Variants in CRISP1 observed in about 807,000 individuals in gnomAD.
CRISP1 encodes the protein cysteine-rich secretory protein 1.
Under a neutral mutation model 33.1 loss-of-function variants are expected in CRISP1, and 44 were observed. That is an observed-to-expected ratio of 1.33 (90% CI 1.05 to 1.71). The LOEUF is 1.71. CRISP1 is among the 40% of genes most tolerant of loss of function. CRISP1 has a pLI of 0.00. For missense variants in CRISP1, 390 were observed against 301.2 expected (o/e 1.29, Z -2.18); for synonymous variants, 103 against 98.7 (o/e 1.04, Z -0.26).
chr6:49,863,156 T>C (rs1159758645), intron 1 of CRISP1, among the ~76,000 whole-genome samples: 1 of 152,114 alleles, frequency 6.6e-6, no homozygotes, highest in Non-Finnish European at 1.5e-5. Flanking sequence ...AAGATTAGAA[T>C]TGTAGAGCAT....
At chr6:49,851,886 G>A in intron 3 of CRISP1, 115 bp downstream of exon 3, 1 of 1,231,438 alleles carries the variant, frequency 8.1e-7, no homozygotes, top group African/African-American at 1.5e-5. Flanking sequence ...CTATGTAAAA[G>A]ATTTGTTGTG....
chr6:49,862,179 T>C (rs1388081301), intron 1 of CRISP1, among the ~76,000 whole-genome samples: 1 of 152,126 alleles, frequency 6.6e-6, no homozygotes, highest in African/African-American at 2.4e-5. Context: ...AATTCTTAGA[T>C]CTGATAAGTA....
intron 1 of CRISP1, among the ~76,000 whole-genome samples, chr6:49,863,332 C>A (rs1771704662): frequency 6.6e-6 from 1 of 152,144 alleles, no homozygotes; most frequent in Non-Finnish European, 1.5e-5. Context: ...TGGAAGATTG[C>A]AAATCTAGGA....
intron 1 of CRISP1, among the ~76,000 whole-genome samples, chr6:49,862,047 T>G (rs1483039296): frequency 6.6e-6 from 1 of 152,146 alleles, no homozygotes; most frequent in Non-Finnish European, 1.5e-5. Context: ...TGGGAAGTTC[T>G]AGCCAGAGAA....
chr6:49,872,983 A>G (rs1002352124), intron 1 of CRISP1, among the ~76,000 whole-genome samples: 2 of 151,946 alleles, frequency 1.3e-5, no homozygotes, highest in Non-Finnish European at 2.9e-5. Flanking sequence ...TCTATAAATT[A>G]CCTTGGGGAG....
At chr6:49,870,531 G>C (rs934759959), upstream of CRISP1, among the ~76,000 whole-genome samples, 1 of 152,246 alleles carries the variant, frequency 6.6e-6, no homozygotes, top group African/African-American at 2.4e-5. Flanking sequence ...ACTTCTTCAG[G>C]TTGGGAAGTA....
At chr6:49,857,280 G>A in intron 2 of CRISP1, 55 bp downstream of exon 2, 2 of 1,536,540 alleles carry the variant, frequency 1.3e-6, no homozygotes, top group Non-Finnish European at 1.8e-6. Flanking sequence ...GTATTAAAGT[G>A]TTAGCTCTTA....
intron 3 of CRISP1, among the ~76,000 whole-genome samples, chr6:49,849,982 G>A (rs1174218287): frequency 2.0e-5 from 3 of 151,220 alleles, no homozygotes; most frequent in Non-Finnish European, 4.4e-5. Context: ...GAATACCATG[G>A]CATTCACTAC....
At chr6:49,851,093 T>A (rs1771332967) in intron 3 of CRISP1, among the ~76,000 whole-genome samples, 1 of 152,228 alleles carries the variant, frequency 6.6e-6, no homozygotes, top group South Asian at 2.1e-4. Flanking sequence ...CATGCAGGAA[T>A]GCCTATGAAA....
chr6:49,863,076 T>C (rs901695411), intron 1 of CRISP1, among the ~76,000 whole-genome samples: 1 of 152,060 alleles, frequency 6.6e-6, no homozygotes, highest in African/African-American at 2.4e-5. Context: ...GCCGAAGGGA[T>C]GGAAAACTGC....
chr6:49,859,277 G>A (rs1771580676), intron 1 of CRISP1, among the ~76,000 whole-genome samples: 1 of 151,858 alleles, frequency 6.6e-6, no homozygotes, highest in South Asian at 2.1e-4. Flanking sequence ...GCTGCATCCT[G>A]CACAGGGCCC....
chr6:49,848,285 C>T lies in CRISP1; in HGVS notation c.210G>A (p.Glu70=). The T allele has an allele frequency of 6.2e-7, 1 of 1,601,784 alleles. No homozygotes were observed. The highest frequency in any genetic ancestry group is 8.5e-7 in the Non-Finnish European group (1 of 1,174,102). The change falls in exon 4 of 8, where the codon GAG becomes GAA. Residue 70 remains glutamate (E), a synonymous_variant. Coordinates refer to ENST00000335847, the MANE Select transcript of CRISP1 (RefSeq NM_001131.3). Reference sequence around the variant, plus strand: ...AAAAAATTCTGGCATTTTGTGCAGCCTCTTCACTCCAACTCTGTAGTGGAA... The same window carrying T: ...AAAAAATTCTGGCATTTTGTGCAGCTTCTTCACTCCAACTCTGTAGTGGAA... ...SNMLKMSWSE[E]AAQNARIFSK...
chr6:49,875,005 G>A (rs748586348), intron 1 of CRISP1, among the ~76,000 whole-genome samples: 48 of 152,036 alleles, frequency 3.2e-4, no homozygotes, highest in Middle Eastern at 6.8e-3. Context: ...GACACAAGAC[G>A]AGGATGCCCT....
upstream of CRISP1, among the ~76,000 whole-genome samples, chr6:49,870,112 G>C (rs1771889170): frequency 6.6e-6 from 1 of 152,148 alleles, no homozygotes; most frequent in East Asian, 1.9e-4. Flanking sequence ...AGGCCAAACA[G>C]ACTAAGAAAG....
intron 7 of CRISP1, 82 bp downstream of exon 7, chr6:49,838,355 T>A (rs201442423): frequency 1.9e-6 from 2 of 1,033,506 alleles, no homozygotes; most frequent in Non-Finnish European, 1.5e-6. Flanking sequence ...AAGTGCGATG[T>A]TTTTTAATGC....
At chr6:49,868,034 T>A (rs1024098031), upstream of CRISP1, among the ~76,000 whole-genome samples, 1 of 152,178 alleles carries the variant, frequency 6.6e-6, no homozygotes, top group Admixed American at 6.6e-5. Flanking sequence ...CAAGTGTTTA[T>A]GGAAACTTAA....
At chr6:49,861,793 G>A (rs531589841) in intron 1 of CRISP1, among the ~76,000 whole-genome samples, 35 of 152,138 alleles carry the variant, frequency 2.3e-4, no homozygotes, top group African/African-American at 7.5e-4. Context: ...GTTGAGGTGG[G>A]AGAATCACTT....
At chr6:49,866,305 A>C (rs1192931415) in intron 1 of CRISP1, 124 bp downstream of exon 1, 1 of 152,208 alleles carries the variant, frequency 6.6e-6, no homozygotes, top group African/African-American at 2.4e-5. Flanking sequence ...ACTTTTAGAT[A>C]ACAATAGCAT....
At chr6:49,853,423 T>G (rs1771408654) in intron 2 of CRISP1, among the ~76,000 whole-genome samples, 1 of 152,188 alleles carries the variant, frequency 6.6e-6, no homozygotes, top group Non-Finnish European at 1.5e-5. Flanking sequence ...TGAAGTCAAC[T>G]CAAAGGACTT....
Sources: allele counts gnomAD v4.1 joint callset (sites outside exome capture counted in the v4.1 genomes callset), GRCh38; gene constraint gnomAD v4.1.1; transcripts MANE v1.5; gene names NCBI Gene and HGNC (gene_info 2026-07-23, HGNC 2026-07-21).